RBFOX1: variants seen among roughly 807,000 people sequenced by gnomAD.
The protein encoded by RBFOX1 is RNA binding fox-1 homolog 1, also known as RNA binding protein fox-1 homolog 1.
RBFOX1 carries 8 observed loss-of-function variants against 57.7 expected under a neutral mutation model. The observed-to-expected ratio is 0.14, with a 90% CI of 0.08 to 0.25. The LOEUF (loss-of-function observed/expected upper bound fraction) is 0.25. RBFOX1 is among the 10% of genes least tolerant of loss of function. The pLI, the probability that RBFOX1 is intolerant of heterozygous loss-of-function variation, is 1.00. For missense variants in RBFOX1, 611 were observed against 548.5 expected (o/e 1.11, Z -1.14); for synonymous variants, 326 against 222.4 (o/e 1.47, Z -4.15).
intron 1 of RBFOX1, among the ~76,000 whole-genome samples, chr16:6,035,532 C>G (rs2095354621): frequency 6.6e-6 from 1 of 152,134 alleles, no homozygotes; most frequent in Non-Finnish European, 1.5e-5. Flanking sequence ...AAATTATGTT[C>G]CCAACTATAG....
chr16:5,272,110 G>C (rs1244934309), intron 1 of RBFOX1, among the ~76,000 whole-genome samples: 1 of 152,158 alleles, frequency 6.6e-6, no homozygotes, highest in African/African-American at 2.4e-5. Context: ...TTCTTGGTCT[G>C]TACCCAGAAG....
At chr16:6,475,722 T>A (rs1208464660) in intron 2 of RBFOX1, among the ~76,000 whole-genome samples, 1 of 152,210 alleles carries the variant, frequency 6.6e-6, no homozygotes, top group African/African-American at 2.4e-5. Context: ...TCAATGTGGT[T>A]GCTATGTAAT....
intron 4 of RBFOX1, among the ~76,000 whole-genome samples, chr16:7,101,962 A>C (rs867382119): frequency 4.2e-4 from 64 of 152,278 alleles, no homozygotes; most frequent in African/African-American, 1.5e-3. Context: ...CTTGTACCAC[A>C]AGCCTAGTGC....
At chr16:6,617,457 C>G (rs1474264619) in intron 2 of RBFOX1, among the ~76,000 whole-genome samples, 2 of 151,900 alleles carry the variant, frequency 1.3e-5, no homozygotes, top group Non-Finnish European at 2.9e-5. Context: ...CTCTCCAGTT[C>G]ACTTCTCATG....
intron 3 of RBFOX1, among the ~76,000 whole-genome samples, chr16:6,724,343 G>A (rs1172869534): frequency 6.6e-6 from 1 of 151,722 alleles, no homozygotes; most frequent in Non-Finnish European, 1.5e-5. Context: ...CCCAGTTGGT[G>A]GGATTACAGG....
At chr16:6,942,880 G>A (rs761073120) in intron 3 of RBFOX1, among the ~76,000 whole-genome samples, 7 of 152,176 alleles carry the variant, frequency 4.6e-5, no homozygotes, top group South Asian at 2.1e-4. Flanking sequence ...TGTGATGCTC[G>A]CAGTTTGCAG....
intron 1 of RBFOX1, among the ~76,000 whole-genome samples, chr16:5,460,017 C>A (rs2068743247): frequency 6.6e-6 from 1 of 152,160 alleles, no homozygotes; most frequent in South Asian, 2.1e-4. Context: ...TTTAGTTTTC[C>A]TGTTTTGTCT....
chr16:6,009,823 T>TGTGTGTGTGTGTG (rs1037166099), intron 4 of RBFOX1, among the ~76,000 whole-genome samples: 5 of 151,860 alleles, frequency 3.3e-5, no homozygotes, highest in African/African-American at 1.2e-4. Flanking sequence ...TGTCTGTGTG[T>TGTGTGTGTGTGTG]GTGTGTGTGT....
At chr16:7,262,357 T>C (rs557805114) in intron 4 of RBFOX1, among the ~76,000 whole-genome samples, 15 of 152,346 alleles carry the variant, frequency 9.8e-5, no homozygotes, top group African/African-American at 3.4e-4. Flanking sequence ...TGTACTTTTT[T>C]GAAAGTTTCA....
At chr16:6,867,552 C>T (rs191614887) in intron 3 of RBFOX1, among the ~76,000 whole-genome samples, 233 of 152,176 alleles carry the variant, frequency 1.5e-3, no homozygotes, top group Non-Finnish European at 2.6e-3. Context: ...AACCTCATCT[C>T]TACTAAAAAT....
At chr16:5,310,532 G>T (rs1414249919) in intron 1 of RBFOX1, among the ~76,000 whole-genome samples, 1 of 152,190 alleles carries the variant, frequency 6.6e-6, no homozygotes, top group Non-Finnish European at 1.5e-5. Context: ...TGTATATGGA[G>T]GAGGGGGTGA....
intron 2 of RBFOX1, among the ~76,000 whole-genome samples, chr16:6,360,524 T>G (rs576028847): frequency 6.6e-6 from 1 of 152,204 alleles, no homozygotes; most frequent in African/African-American, 2.4e-5. Flanking sequence ...TACACAGTCT[T>G]GAAAGTCTCT....
intron 2 of RBFOX1, among the ~76,000 whole-genome samples, chr16:6,645,925 G>A (rs574379234): frequency 7.2e-5 from 11 of 152,210 alleles, no homozygotes; most frequent in Middle Eastern, 3.4e-3. Context: ...GGTTGAGTCC[G>A]GTAGGATAAA....
intron 1 of RBFOX1, among the ~76,000 whole-genome samples, chr16:6,047,449 G>A (rs1443276968): frequency 1.3e-5 from 2 of 152,158 alleles, no homozygotes; most frequent in East Asian, 1.9e-4. Context: ...TTGTGTTCCC[G>A]AGGAAAGAGG....
chr16:5,846,181 TA>T (rs60988421), intron 3 of RBFOX1, among the ~76,000 whole-genome samples: 3,767 of 132,142 alleles, frequency 0.029, 72 homozygotes, highest in African/African-American at 0.06. Flanking sequence ...GGCACTGTCT[TA>T]AAAAAAAAAA....
chr16:7,595,406 A>T (rs2094635450), intron 7 of RBFOX1, 143 bp from the exon 8 acceptor site: 3 of 534,800 alleles, frequency 5.6e-6, no homozygotes, highest in Non-Finnish European at 9.5e-6. Context: ...ACATCTCAGT[A>T]CTCTTATAAT....
chr16:6,683,890 G>A (rs755759729), intron 3 of RBFOX1, among the ~76,000 whole-genome samples: 4 of 152,202 alleles, frequency 2.6e-5, no homozygotes, highest in African/African-American at 4.8e-5. Context: ...TACACGAAAT[G>A]GTTGTAAGAG....
chr16:6,448,156 CTTTTTTTTTT>C (rs397969435), intron 2 of RBFOX1, among the ~76,000 whole-genome samples: 3 of 78,460 alleles, frequency 3.8e-5, no homozygotes, highest in African/African-American at 5.6e-5. Flanking sequence ...TCTTTTCTTT[CTTTTTTTTTT>C]TTTTTTTTTT....
At chr16:7,057,295 A>G (rs1486903807) in intron 4 of RBFOX1, among the ~76,000 whole-genome samples, 1 of 152,172 alleles carries the variant, frequency 6.6e-6, no homozygotes, top group Non-Finnish European at 1.5e-5. Flanking sequence ...GACAGATTCC[A>G]GCTATCTTAA....
Sources: allele counts gnomAD v4.1 joint callset (sites outside exome capture counted in the v4.1 genomes callset), GRCh38; gene constraint gnomAD v4.1.1; transcripts MANE v1.5; gene names NCBI Gene and HGNC (gene_info 2026-07-23, HGNC 2026-07-21).